MAP1LC3B: variants seen among roughly 807,000 people sequenced by gnomAD.
MAP1LC3B encodes microtubule associated protein 1 light chain 3 beta.
A neutral mutation model predicts 16.7 loss-of-function variants in MAP1LC3B; 12 were observed. That is an observed-to-expected ratio of 0.72 (90% CI 0.46 to 1.16). MAP1LC3B has a LOEUF of 1.16. MAP1LC3B is among the 50% of genes most tolerant of loss of function. MAP1LC3B has a pLI of 0.00. For missense variants in MAP1LC3B, 155 were observed against 159.5 expected, an observed-to-expected ratio of 0.97 and a Z score of 0.15; for synonymous variants, 63 against 56.5, an observed-to-expected ratio of 1.11 and a Z score of -0.51.
chr16:87,402,457 C>T (rs1567501768), intron 3 of MAP1LC3B, 176 bp downstream of exon 3: 7 of 671,610 alleles, frequency 1.0e-5, no homozygotes, highest in Admixed American at 6.5e-5. Context: ...TAAAATGTTT[C>T]TTTTTTTGAG....
In MAP1LC3B at chr16:87,404,667, C is replaced by T. The variant is rs1908116298; in HGVS notation, c.*1570C>T. The T allele has an allele frequency of 6.6e-6, 1 of 152,104 alleles. No homozygotes were observed. The highest frequency in any genetic ancestry group is 2.4e-5 in the African/African-American group (1 of 41,422). The allele number at this position is 152,104 out of a possible 1,614,324, so 9.4% of individuals were successfully genotyped here. ...TACTGCTTTTTAAGAAAAAAAATAA[C>T]ATGCTGAGGGGTGACCTATATCCCA... On this transcript the variant is annotated 3_prime_UTR_variant, in exon 4 of 4. Coordinates refer to ENST00000268607, the MANE Select transcript of MAP1LC3B (RefSeq NM_022818.5).
chr16:87,392,387 C>A lies in MAP1LC3B; in HGVS notation c.-41C>A, dbSNP rs753339792. ...CGCCGCCCCCGGGAGCCGCCGGGAC[C>A]CTCGCGTCGTCGCCGCCGCCGCCGC... On this transcript the variant is annotated 5_prime_UTR_variant, in exon 1 of 4. Coordinates refer to ENST00000268607, the MANE Select transcript of MAP1LC3B (RefSeq NM_022818.5). 1 of 1,411,340 alleles carries A rather than the reference C, an allele frequency of 7.1e-7. No individual in the cohort carries two copies. 87.4% of individuals were successfully genotyped at this position (1,411,340 alleles called of 1,614,324 possible). A position where few individuals can be genotyped will look rare whatever the true frequency, so the allele number is the denominator to read the frequency against.
chr16:87,394,112 T>C (rs558101898), intron 1 of MAP1LC3B, among the ~76,000 whole-genome samples: 1 of 152,142 alleles, frequency 6.6e-6, no homozygotes, highest in South Asian at 2.1e-4. Flanking sequence ...CCCATTTTTT[T>C]CCCATTGATG....
chr16:87,399,388 T>C (rs999986768), intron 2 of MAP1LC3B: 1 of 293,394 alleles, frequency 3.4e-6, no homozygotes, highest in South Asian at 2.9e-5. Context: ...CACACTGATA[T>C]TTCCTTGTGG....
Position 87,392,342 on chromosome 16 carries a change from G to T in MAP1LC3B, c.-86G>T. 2 of 1,308,510 alleles carry T rather than the reference G, an allele frequency of 1.5e-6. No individual in the cohort carries two copies. The highest frequency in any genetic ancestry group is 2.0e-6 in the Non-Finnish European group (2 of 1,017,622). 81.1% of individuals were successfully genotyped at this position (1,308,510 alleles called of 1,614,324 possible). A position where few individuals can be genotyped will look rare whatever the true frequency, so the allele number is the denominator to read the frequency against. On this transcript the variant is annotated 5_prime_UTR_variant, in exon 1 of 4. Transcript: ENST00000268607. ...AAGGGAAGTGGCTATCGCCAGAGTC[G>T]GATTCGCCGCCGCAGCAGCCGCCGC...
At chr16:87,402,670 C>T in intron 3 of MAP1LC3B, 1 of 569,018 alleles carries the variant, frequency 1.8e-6, no homozygotes, top group East Asian at 3.1e-5. Context: ...GAACTGCTTT[C>T]TTATATTAGA....
At chr16:87,395,419 G>C (rs529297934) in intron 1 of MAP1LC3B, among the ~76,000 whole-genome samples, 42 of 152,358 alleles carry the variant, frequency 2.8e-4, no homozygotes, top group African/African-American at 8.2e-4. Context: ...GGGGCAGTCT[G>C]TTGAGAAAGA....
intron 2 of MAP1LC3B, among the ~76,000 whole-genome samples, chr16:87,400,747 AG>A (rs1907962998): frequency 6.6e-6 from 1 of 150,596 alleles, no homozygotes; most frequent in South Asian, 2.1e-4. Flanking sequence ...TATGTTTCCC[AG>A]GTGGGCCTGG....
chr16:87,394,642 C>T (rs1024068763), intron 1 of MAP1LC3B, among the ~76,000 whole-genome samples: 20 of 152,176 alleles, frequency 1.3e-4, no homozygotes, highest in African/African-American at 4.8e-4. Flanking sequence ...TGGACTGGTA[C>T]CTTTAACCTG....
intron 1 of MAP1LC3B, 128 bp from the exon 2 acceptor site, chr16:87,398,687 A>G (rs1160358984): frequency 2.5e-6 from 2 of 791,254 alleles, no homozygotes; most frequent in East Asian, 4.9e-5. Context: ...TTTAAGTCCT[A>G]GGAAAGATGT....
At chr16:87,395,725 C>T (rs913948000) in intron 1 of MAP1LC3B, among the ~76,000 whole-genome samples, 2 of 151,998 alleles carry the variant, frequency 1.3e-5, no homozygotes, top group African/African-American at 4.8e-5. Flanking sequence ...ATACTTCCCA[C>T]CTTTCATGAA....
intron 2 of MAP1LC3B, among the ~76,000 whole-genome samples, chr16:87,401,874 C>T (rs1328966411): frequency 6.6e-6 from 1 of 151,842 alleles, no homozygotes; most frequent in African/African-American, 2.4e-5. Flanking sequence ...GCTCTGTCAC[C>T]CAGGCTGGAG....
chr16:87,394,662 C>T (rs979830149), intron 1 of MAP1LC3B, among the ~76,000 whole-genome samples: 1 of 152,320 alleles, frequency 6.6e-6, no homozygotes, highest in East Asian at 1.9e-4. Context: ...GGCATGAATT[C>T]TTCCAGTCTC....
chr16:87,403,817 C>T lies in MAP1LC3B; in HGVS notation c.*720C>T, dbSNP rs879023815. ...ATAATTTATAATTTTGATCGAGTTTCTTAAAAGACCCTGGAGAAAGAGTGG... is the reference window on the plus strand; with the variant it reads ...ATAATTTATAATTTTGATCGAGTTTTTTAAAAGACCCTGGAGAAAGAGTGG... On this transcript the variant is annotated 3_prime_UTR_variant, in exon 4 of 4. Coordinates refer to ENST00000268607, the MANE Select transcript of MAP1LC3B (RefSeq NM_022818.5). The T allele has an allele frequency of 6.6e-6, 1 of 152,182 alleles. No homozygotes were observed. Among genetic ancestry groups the T allele is most frequent in the Non-Finnish European group, 1.5e-5 (1 of 68,046 alleles). The allele number at this position is 152,182 out of a possible 1,614,324, so 9.4% of individuals were successfully genotyped here.
At chr16:87,399,513 A>G (rs1907913062) in intron 2 of MAP1LC3B, 6 of 431,412 alleles carry the variant, frequency 1.4e-5, no homozygotes, top group Non-Finnish European at 2.3e-5. Flanking sequence ...ACAATAGAAC[A>G]ATGTACAAAT....
rs780807882 is a variant in MAP1LC3B, at chr16:87,397,192, A to AT, written c.41-1622dup. Among the ~76,000 whole-genome samples the AT allele has an allele frequency of 4.6e-5, 7 of 152,252 alleles. No individual in the cohort carries two copies. The East Asian group carries it at 1.3e-3, about 29-fold the overall frequency. ...ACTGGTAGAAATCCATGAGTTTGCA[A>AT]TCTTTGTTGCAAAGATGTTTATATT... On this transcript the variant is annotated intron_variant, in intron 1 of 3. Transcript: ENST00000268607.
chr16:87,399,602 G>A, intron 2 of MAP1LC3B: 1 of 454,966 alleles, frequency 2.2e-6, no homozygotes, highest in Middle Eastern at 3.3e-4. Flanking sequence ...TGACAGGGTG[G>A]AAGAATTACT....
In MAP1LC3B at chr16:87,403,191, T is replaced by C; in HGVS notation, c.*94T>C. 6.8e-7 allele frequency: 1 copy of C among 1,472,716 alleles called. No individual in the cohort carries two copies. The highest frequency in any genetic ancestry group is 1.4e-5 in the African/African-American group (1 of 70,020). 91.2% of individuals were successfully genotyped at this position (1,472,716 alleles called of 1,614,324 possible). On this transcript the variant is annotated 3_prime_UTR_variant, in exon 4 of 4. Transcript: ENST00000268607. ...AACTGAGATCGATCAGTTCATCCAATCACAGATCATGAAACAGTAGTGTTC... is the reference window on the plus strand; with the variant it reads ...AACTGAGATCGATCAGTTCATCCAACCACAGATCATGAAACAGTAGTGTTC...
chr16:87,399,182 G>GT, intron 2 of MAP1LC3B: 1 of 326,112 alleles, frequency 3.1e-6, no homozygotes, highest in Non-Finnish European at 5.8e-6. Flanking sequence ...AATTTTTTAA[G>GT]TTTTTTGTAG....
Sources: gnomAD v4.1 joint callset for allele counts (sites outside exome capture counted in the v4.1 genomes callset) on GRCh38, gnomAD v4.1.1 for gene constraint, MANE v1.5 for transcripts, NCBI Gene and HGNC (gene_info 2026-07-23, HGNC 2026-07-21) for gene names.